KHDRBS2: variants seen among roughly 807,000 people sequenced by gnomAD.
The protein encoded by KHDRBS2 is KH RNA binding domain containing, signal transduction associated 2, also known as KH domain-containing, RNA-binding, signal transduction-associated protein 2.
KHDRBS2 carries 26 observed loss-of-function variants against 44.3 expected under a neutral mutation model. The ratio of observed to expected loss-of-function variants is 0.59; its 90% CI spans 0.43 to 0.81. The LOEUF is 0.81. Ranked by LOEUF, KHDRBS2 falls within the 40% of genes least tolerant of loss-of-function variation. The probability of loss-of-function intolerance (pLI) is 0.00; values close to 1 mark genes in which losing one functional copy is unlikely to be tolerated. For synonymous variants in KHDRBS2, 194 were observed against 151.1 expected, an observed-to-expected ratio of 1.28 and a Z score of -2.08; for missense variants, 476 against 433.1, an observed-to-expected ratio of 1.10 and a Z score of -0.88.
the KHDRBS2 span, among the ~76,000 whole-genome samples, chr6:61,627,803 G>A: frequency 8.5e-5 from 13 of 152,078 alleles, no homozygotes; most frequent in African/African-American, 2.7e-4. Flanking sequence ...TAACAAAACC[G>A]TAATTCTGAA....
intron 6 of KHDRBS2, among the ~76,000 whole-genome samples, chr6:61,823,953 A>T (rs1422002071): frequency 2.6e-5 from 4 of 152,136 alleles, no homozygotes; most frequent in Non-Finnish European, 5.9e-5. Context: ...ATTAACAATC[A>T]ATTCTTTTTT....
At chr6:61,616,470 CATATATAT>C in the KHDRBS2 span, among the ~76,000 whole-genome samples, 18,306 of 144,926 alleles carry the variant, frequency 0.13, 1,460 homozygotes, top group South Asian at 0.25. Flanking sequence ...AAAGAATATA[CATATATAT>C]ATATATATAT....
At chr6:61,637,796 AT>A in the KHDRBS2 span, among the ~76,000 whole-genome samples, 2 of 151,900 alleles carry the variant, frequency 1.3e-5, no homozygotes, top group African/African-American at 4.8e-5. Context: ...GATGGTGAGC[AT>A]TTTTTCATGT....
chr6:61,931,021 A>G (rs191950129), intron 4 of KHDRBS2, among the ~76,000 whole-genome samples: 63 of 152,268 alleles, frequency 4.1e-4, no homozygotes, highest in Admixed American at 2.2e-3. Flanking sequence ...GTAATAAAAT[A>G]CCACCTAATT....
At chr6:61,999,594 T>C (rs1777840443) in intron 3 of KHDRBS2, among the ~76,000 whole-genome samples, 1 of 152,126 alleles carries the variant, frequency 6.6e-6, no homozygotes, top group Non-Finnish European at 1.5e-5. Context: ...AAATAGTTTC[T>C]ACAGTGCTTA....
At chr6:61,543,630 T>A in the KHDRBS2 span, among the ~76,000 whole-genome samples, 1 of 150,536 alleles carries the variant, frequency 6.6e-6, no homozygotes, top group African/African-American at 2.4e-5. Context: ...GAAATCAGTA[T>A]ATAGAAGAGA....
chr6:61,830,744 G>A (rs1396829123), intron 6 of KHDRBS2, among the ~76,000 whole-genome samples: 1 of 152,110 alleles, frequency 6.6e-6, no homozygotes, highest in Non-Finnish European at 1.5e-5. Context: ...CTACCTTTGA[G>A]CCAAATGGTA....
At chr6:62,090,447 T>C (rs1799280263) in intron 2 of KHDRBS2, among the ~76,000 whole-genome samples, 1 of 152,160 alleles carries the variant, frequency 6.6e-6, no homozygotes, top group African/African-American at 2.4e-5. Context: ...GATAATTCAG[T>C]GTCAAAACAA....
At chr6:61,927,064 C>G (rs1174168703) in intron 4 of KHDRBS2, among the ~76,000 whole-genome samples, 1 of 151,606 alleles carries the variant, frequency 6.6e-6, no homozygotes, top group East Asian at 1.9e-4. Context: ...AAGAAACTGC[C>G]TAAGATTAGG....
chr6:62,267,633 G>A (rs1311056857), intron 1 of KHDRBS2, among the ~76,000 whole-genome samples: 2 of 151,972 alleles, frequency 1.3e-5, no homozygotes, highest in African/African-American at 4.8e-5. Context: ...TTGTAACTGG[G>A]AGTCAAAATG....
chr6:62,156,638 C>T (rs1319808160), intron 2 of KHDRBS2, among the ~76,000 whole-genome samples: 2 of 151,838 alleles, frequency 1.3e-5, no homozygotes, highest in African/African-American at 2.4e-5. Context: ...AATTTTGTAG[C>T]TTTTGTTTGT....
At chr6:62,053,311 A>G (rs1789498783) in intron 2 of KHDRBS2, among the ~76,000 whole-genome samples, 1 of 151,878 alleles carries the variant, frequency 6.6e-6, no homozygotes, top group Non-Finnish European at 1.5e-5. Context: ...TCATACCAAA[A>G]CCAAATCAGA....
intron 3 of KHDRBS2, among the ~76,000 whole-genome samples, chr6:61,978,803 A>C (rs1438366760): frequency 1.3e-5 from 2 of 152,038 alleles, no homozygotes; most frequent in Non-Finnish European, 2.9e-5. Context: ...TTTTGTCAAC[A>C]GGGGAATATT....
At chr6:61,594,466 A>G in the KHDRBS2 span, among the ~76,000 whole-genome samples, 7 of 152,210 alleles carry the variant, frequency 4.6e-5, no homozygotes, top group Admixed American at 1.3e-4. Context: ...TGAAGACACA[A>G]TACTTTAGCA....
chr6:62,075,459 C>T (rs541545795), intron 2 of KHDRBS2, among the ~76,000 whole-genome samples: 19 of 152,080 alleles, frequency 1.2e-4, no homozygotes, highest in African/African-American at 4.3e-4. Context: ...AAGACTAAAA[C>T]ATCCTGGTAT....
At chr6:62,197,990 G>C (rs1826044306) in intron 1 of KHDRBS2, among the ~76,000 whole-genome samples, 1 of 152,008 alleles carries the variant, frequency 6.6e-6, no homozygotes, top group Non-Finnish European at 1.5e-5. Context: ...AATGACTACT[G>C]GGTAAAAAAC....
intron 2 of KHDRBS2, among the ~76,000 whole-genome samples, chr6:62,098,385 A>G (rs1037311485): frequency 6.6e-6 from 1 of 151,966 alleles, no homozygotes; most frequent in African/African-American, 2.4e-5. Flanking sequence ...TTGCTTCTGA[A>G]GGATAACTTT....
intron 4 of KHDRBS2, among the ~76,000 whole-genome samples, chr6:61,969,038 C>A (rs569588616): frequency 6.6e-6 from 1 of 152,122 alleles, no homozygotes; most frequent in African/African-American, 2.4e-5. Flanking sequence ...GCTTAAGTAT[C>A]CCTTCCAGTT....
chr6:61,606,156 C>T, the KHDRBS2 span, among the ~76,000 whole-genome samples: 3 of 152,154 alleles, frequency 2.0e-5, no homozygotes, highest in African/African-American at 7.2e-5. Flanking sequence ...AGGCCCCACC[C>T]CTATCTCCCT....
Sources: allele counts gnomAD v4.1 joint callset (sites outside exome capture counted in the v4.1 genomes callset), GRCh38; gene constraint gnomAD v4.1.1; transcripts MANE v1.5; gene names NCBI Gene and HGNC (gene_info 2026-07-23, HGNC 2026-07-21).